Variants in LUC7L observed in about 807,000 individuals in gnomAD.
LUC7L encodes the protein LUC7 like.
In LUC7L, 29 loss-of-function variants were observed where a neutral mutation model predicts 51.1. That is an observed-to-expected ratio of 0.57 (90% confidence interval 0.42 to 0.77). The LOEUF (loss-of-function observed/expected upper bound fraction) is 0.77. Ranked by LOEUF, LUC7L falls within the 30% of genes least tolerant of loss-of-function variation. LUC7L has a pLI of 0.00. For missense variants in LUC7L, 403 were observed against 511.9 expected (o/e 0.79, Z 2.05); for synonymous variants, 181 against 180.7 (o/e 1.00, Z -0.01).
At position 190,171 on chromosome 16, in the gene LUC7L, T is replaced by C. The variant is rs765871822; in HGVS notation, c.807-36A>G. The C allele has an allele frequency of 1.1e-5, 17 of 1,577,978 alleles. No homozygotes were observed. The South Asian group carries it at 1.2e-4, about 11-fold the overall frequency. ...AGAAGGCTCCAAGGCTGAGACTCTA[T>C]AGGTGCCAACACTATGAGGGCCCCA... On this transcript the variant is annotated intron_variant, in intron 8 of 9. Coordinates refer to ENST00000293872, the MANE Select transcript of LUC7L (RefSeq NM_201412.3).
At chr16:189,461 AC>A (rs1323547414) in intron 9 of LUC7L, 122 bp from the exon 10 acceptor site, 18 of 1,427,728 alleles carry the variant, frequency 1.3e-5, no homozygotes, top group South Asian at 1.5e-5. Flanking sequence ...ATACCTGGAA[AC>A]CCCCCGGAGG....
intron 2 of LUC7L, 54 bp from the exon 3 acceptor site, chr16:220,801 C>G: frequency 1.7e-6 from 2 of 1,151,982 alleles, no homozygotes; most frequent in Non-Finnish European, 2.6e-6. Context: ...CTGTAGAAAG[C>G]ACACAACGCG....
At chr16:196,868 G>A (rs2049163311) in intron 6 of LUC7L, among the ~76,000 whole-genome samples, 1 of 148,206 alleles carries the variant, frequency 6.7e-6, no homozygotes, top group African/African-American at 2.5e-5. Flanking sequence ...ATACTAAATT[G>A]TGATTTATAA....
In LUC7L at chr16:190,134, A is replaced by C. The variant is rs2048974190; in HGVS notation, c.808T>G (p.Ser270Ala). The C allele has an allele frequency of 2.5e-6, 4 of 1,609,414 alleles. No individual in the cohort carries two copies. The highest frequency in any genetic ancestry group is 3.4e-6 in the Non-Finnish European group (4 of 1,179,358). Residue 270 changes from serine (S) to alanine (A), a missense_variant and splice_region_variant, in exon 9 of 10, where the codon TCA (serine) becomes GCA (alanine). Ser to Ala is a moderately conservative substitution (Grantham distance 99, BLOSUM62 1). Coordinates refer to ENST00000293872, the MANE Select transcript of LUC7L (RefSeq NM_201412.3). ...CTCCGACGCCGATCCCGGGAGCGTGACCTGAACAATCAGAAGGCTCCAAGG... is the reference window on the plus strand; with the variant it reads ...CTCCGACGCCGATCCCGGGAGCGTGCCCTGAACAATCAGAAGGCTCCAAGG... ...SGSRTRDRRRSRSRDRRRRRS... is the reference protein window; with the variant it reads ...SGSRTRDRRRARSRDRRRRRS...
At chr16:218,237 T>G (rs367937884) in intron 3 of LUC7L, among the ~76,000 whole-genome samples, 1 of 151,888 alleles carries the variant, frequency 6.6e-6, no homozygotes, top group South Asian at 2.1e-4. Flanking sequence ...TATTGACATC[T>G]TGTAATGCAA....
At chr16:192,881 T>TAG in intron 7 of LUC7L, 46 bp downstream of exon 7, 2 of 1,496,158 alleles carry the variant, frequency 1.3e-6, no homozygotes, top group Non-Finnish European at 9.3e-7. Context: ...GAGCAGGGAA[T>TAG]GCCCGAGGCC....
At chr16:192,764 A>T (rs1380080959) in intron 7 of LUC7L, among the ~76,000 whole-genome samples, 163 bp downstream of exon 7, 1 of 152,102 alleles carries the variant, frequency 6.6e-6, no homozygotes, top group East Asian at 1.9e-4. Flanking sequence ...CAGCCTCCCA[A>T]ACTGACAGGA....
chr16:189,672 A>C (rs2048957522), intron 9 of LUC7L: 7 of 1,334,170 alleles, frequency 5.2e-6, no homozygotes. Flanking sequence ...AACAGAGGTA[A>C]GCAGGGCCTG....
At chr16:210,509 T>C (rs1304585410) in intron 3 of LUC7L, among the ~76,000 whole-genome samples, 2 of 152,134 alleles carry the variant, frequency 1.3e-5, no homozygotes, top group African/African-American at 2.4e-5. Flanking sequence ...TCTTCTGTGC[T>C]TACCTCAGAC....
intron 3 of LUC7L, among the ~76,000 whole-genome samples, chr16:219,907 A>G (rs11641118): frequency 0.21 from 31,388 of 152,066 alleles, 3,332 homozygotes; most frequent in South Asian, 0.26. Context: ...AGATAAAATA[A>G]CACAACTACT....
chr16:222,680 C>A (rs2050006734), intron 2 of LUC7L, among the ~76,000 whole-genome samples: 1 of 150,716 alleles, frequency 6.6e-6, no homozygotes, highest in Non-Finnish European at 1.5e-5. Context: ...CTCTTGTTGC[C>A]CAGACTGTAG....
intron 1 of LUC7L, 90 bp downstream of exon 1, chr16:229,189 G>A (rs1173734078): frequency 6.7e-7 from 1 of 1,495,624 alleles, no homozygotes; most frequent in Non-Finnish European, 8.8e-7. Context: ...AGGCGCAGGC[G>A]CAGACGATCG....
In LUC7L at chr16:206,162, A is replaced by C. The variant is rs780523599; in HGVS notation, c.367-15T>G. On this transcript the variant is annotated splice_polypyrimidine_tract_variant and intron_variant, in intron 4 of 9. Coordinates refer to ENST00000293872, the MANE Select transcript of LUC7L (RefSeq NM_201412.3). ...ACTTTTTCTGCCTGTGAGGAGAAAG[A>C]ATGAGGTAAGCAGACATCTGAAAAT... 1 of 1,611,168 alleles carries C rather than the reference A, an allele frequency of 6.2e-7. No individual in the cohort carries two copies. Among genetic ancestry groups the C allele is most frequent in the Non-Finnish European group, 8.5e-7 (1 of 1,179,318 alleles).
intron 2 of LUC7L, among the ~76,000 whole-genome samples, chr16:224,517 C>T (rs532492013): frequency 2.4e-5 from 3 of 125,078 alleles, no homozygotes; most frequent in Non-Finnish European, 5.0e-5. Flanking sequence ...GAAACTCAGT[C>T]TCAAAATAAA....
At chr16:214,423 A>G (rs2049730523) in intron 3 of LUC7L, among the ~76,000 whole-genome samples, 1 of 152,188 alleles carries the variant, frequency 6.6e-6, no homozygotes, top group South Asian at 2.1e-4. Flanking sequence ...GGCAGAGTCT[A>G]TCATATAGGT....
intron 7 of LUC7L, 122 bp from the exon 8 acceptor site, chr16:190,692 C>CAA: frequency 1.2e-6 from 1 of 851,620 alleles, no homozygotes; most frequent in Non-Finnish European, 2.0e-6. Flanking sequence ...CCAGCCTGGA[C>CAA]AACGTGGTGA....
intron 7 of LUC7L, among the ~76,000 whole-genome samples, chr16:192,677 ATTT>A (rs1276365142): frequency 6.6e-6 from 1 of 151,724 alleles, no homozygotes; most frequent in African/African-American, 2.4e-5. Context: ...TAATTTCTGT[ATTT>A]TTAGTAGAGA....
intron 8 of LUC7L, 138 bp from the exon 9 acceptor site, chr16:190,273 C>T: frequency 1.2e-6 from 1 of 834,150 alleles, no homozygotes; most frequent in East Asian, 2.7e-5. Flanking sequence ...AAAATATTTC[C>T]ATCAGTTAAT....
rs762930156 is a variant in LUC7L at position 229,373 on chromosome 16, C to G, written c.-34G>C. On this transcript the variant is annotated 5_prime_UTR_variant, in exon 1 of 10. Transcript: ENST00000293872. ...GCGGAGGCGACGGGGTCGGCCGCGACGACTTCTCTCAGGCAGGCGGTGGCA... is the reference window on the plus strand; with the variant it reads ...GCGGAGGCGACGGGGTCGGCCGCGAGGACTTCTCTCAGGCAGGCGGTGGCA... The G allele has an allele frequency of 6.7e-7, 1 of 1,483,814 alleles. No individual in the cohort carries two copies. The allele number at this position is 1,483,814 out of a possible 1,614,324, so 91.9% of individuals were successfully genotyped here. A position where few individuals can be genotyped will look rare whatever the true frequency, so the allele number is the denominator to read the frequency against.
Sources: allele counts gnomAD v4.1 joint callset (sites outside exome capture counted in the v4.1 genomes callset), GRCh38; gene constraint gnomAD v4.1.1; transcripts MANE v1.5; gene names NCBI Gene and HGNC (gene_info 2026-07-23, HGNC 2026-07-21).